Variants in CSGALNACT1 observed in about 807,000 individuals in gnomAD.
CSGALNACT1 encodes beta4GalNAcT-1.
Under a neutral mutation model 51.0 loss-of-function variants are expected in CSGALNACT1, and 52 were observed. The ratio of observed to expected loss-of-function variants is 1.02; its 90% CI spans 0.82 to 1.29. The LOEUF (loss-of-function observed/expected upper bound fraction) is 1.29. Among genes scored for constraint, CSGALNACT1 ranks in the 50% most tolerant of loss-of-function variants. The probability of loss-of-function intolerance (pLI) is 0.00; values close to 1 mark genes in which losing one functional copy is unlikely to be tolerated. For missense variants in CSGALNACT1, 935 were observed against 679.2 expected (o/e 1.38, Z -4.19); for synonymous variants, 341 against 254.4 (o/e 1.34, Z -3.24).
At position 19,666,941 on chromosome 8, in the gene CSGALNACT1, GAAAA is replaced by G. The variant is rs1174113108; in HGVS notation, c.-544+15528_-544+15531del. On this transcript the variant is annotated intron_variant, in intron 1 of 9. Coordinates refer to the CSGALNACT1 transcript ENST00000332246. ...AGGAAGGGAGAGACAGAGAGAGAGAGAAAAAGAAAGAAAGAAAGAAAGAAAGAAA... is the reference window on the plus strand; with the variant it reads ...AGGAAGGGAGAGACAGAGAGAGAGAGAGAAAGAAAGAAAGAAAGAAAGAAA... Among the ~76,000 whole-genome samples, 113 of 114,572 alleles carry G rather than the reference GAAAA, an allele frequency of 9.9e-4. 1 individual carries two copies. Among genetic ancestry groups the G allele is most frequent in the Non-Finnish European group, 1.3e-3 (72 of 55,372 alleles). The allele number at this position is 114,572 out of a possible 152,430, so 75.2% of individuals were successfully genotyped here.
chr8:19,635,989 C>T (rs912577882), intron 1 of CSGALNACT1, among the ~76,000 whole-genome samples: 2 of 152,192 alleles, frequency 1.3e-5, no homozygotes, highest in Non-Finnish European at 2.9e-5. Context: ...CTTGATCTTC[C>T]AATGTGCTGA....
intron 8 of CSGALNACT1, among the ~76,000 whole-genome samples, chr8:19,409,598 A>G (rs2055210727): frequency 6.6e-6 from 1 of 152,020 alleles, no homozygotes; most frequent in Admixed American, 6.6e-5. Context: ...GATCTTAGTT[A>G]TTTTTCATAA....
intron 8 of CSGALNACT1, among the ~76,000 whole-genome samples, chr8:19,412,909 C>T (rs543422928): frequency 4.7e-4 from 71 of 152,220 alleles, no homozygotes; most frequent in African/African-American, 1.6e-3. Flanking sequence ...AGGAGGGCTG[C>T]ATGCCCTCTT....
intron 3 of CSGALNACT1, among the ~76,000 whole-genome samples, chr8:19,543,615 A>C (rs2085763849): frequency 6.6e-6 from 1 of 152,200 alleles, no homozygotes; most frequent in African/African-American, 2.4e-5. Context: ...CCACAGGCAG[A>C]AACTGCATAC....
At chr8:19,612,252 A>G (rs1419399930) in intron 1 of CSGALNACT1, among the ~76,000 whole-genome samples, 1 of 152,028 alleles carries the variant, frequency 6.6e-6, no homozygotes, top group Non-Finnish European at 1.5e-5. Flanking sequence ...CTGAGGCGAG[A>G]GAATTGCTTG....
At chr8:19,576,083 C>T (rs1239152980) in intron 3 of CSGALNACT1, among the ~76,000 whole-genome samples, 1 of 152,054 alleles carries the variant, frequency 6.6e-6, no homozygotes, top group Admixed American at 6.5e-5. Flanking sequence ...CTAGCCACAC[C>T]CCATCCCTGT....
At chr8:19,473,290 T>C (rs891676409) in intron 4 of CSGALNACT1, among the ~76,000 whole-genome samples, 10 of 152,252 alleles carry the variant, frequency 6.6e-5, no homozygotes, top group Non-Finnish European at 1.2e-4. Flanking sequence ...TTCTAATGCA[T>C]AATATCAACT....
intron 1 of CSGALNACT1, among the ~76,000 whole-genome samples, chr8:19,610,151 G>A (rs1431449220): frequency 6.6e-6 from 1 of 151,578 alleles, no homozygotes; most frequent in Non-Finnish European, 1.5e-5. Flanking sequence ...TTAGCCAGGC[G>A]TGGTTGCGGG....
At chr8:19,700,524 C>T (rs879820865) in intron 1 of CSGALNACT1, among the ~76,000 whole-genome samples, 8 of 152,154 alleles carry the variant, frequency 5.3e-5, no homozygotes, top group Admixed American at 2.0e-4. Context: ...CCGTATGACA[C>T]AGCCTTCCTC....
rs139622906 is a variant in CSGALNACT1 at position 19,511,954 on chromosome 8, G to T, written c.-296-5824C>A. On this transcript the variant is annotated intron_variant, in intron 3 of 9. Coordinates refer to ENST00000454498, the Ensembl canonical transcript of CSGALNACT1. Reference sequence around the variant, plus strand: ...CTTGCGAAAACTCACTCACTATGATGAGAACAGCAAGTGGGAAATCTGCCC... The same window carrying T: ...CTTGCGAAAACTCACTCACTATGATTAGAACAGCAAGTGGGAAATCTGCCC... 3.4e-3 allele frequency among the ~76,000 whole-genome samples: 524 copies of T among 152,256 alleles called. 3 individuals carry two copies. Among genetic ancestry groups the T allele is most frequent in the African/African-American group, 0.012 (502 of 41,548 alleles).
At chr8:19,631,918 C>G (rs913807839) in intron 1 of CSGALNACT1, among the ~76,000 whole-genome samples, 5 of 152,056 alleles carry the variant, frequency 3.3e-5, no homozygotes, top group African/African-American at 7.3e-5. Flanking sequence ...ATAGCTTATC[C>G]AGATGTTCTC....
intron 1 of CSGALNACT1, among the ~76,000 whole-genome samples, chr8:19,663,124 T>C (rs1459173673): frequency 1.3e-5 from 2 of 152,284 alleles, no homozygotes; most frequent in South Asian, 2.1e-4. Context: ...GATCCCTTTG[T>C]GGCATTCAAG....
At chr8:19,675,683 A>T (rs2060124436) in intron 1 of CSGALNACT1, among the ~76,000 whole-genome samples, 2 of 152,040 alleles carry the variant, frequency 1.3e-5, no homozygotes, top group African/African-American at 4.8e-5. Flanking sequence ...TAGTAGAGAC[A>T]GGGTTTCACT....
intron 1 of CSGALNACT1, among the ~76,000 whole-genome samples, chr8:19,752,477 T>C (rs2065104090): frequency 6.6e-6 from 1 of 152,162 alleles, no homozygotes; most frequent in Non-Finnish European, 1.5e-5. Flanking sequence ...GTTTCTAATA[T>C]TTGAGAAACA....
At chr8:19,420,776 C>A (rs533586815) in intron 6 of CSGALNACT1, among the ~76,000 whole-genome samples, 1 of 152,326 alleles carries the variant, frequency 6.6e-6, no homozygotes, top group Non-Finnish European at 1.5e-5. Context: ...ATTGAAAACA[C>A]TCTTGTCATC....
chr8:19,682,173 G>T (rs763924529), intron 1 of CSGALNACT1, among the ~76,000 whole-genome samples: 3 of 152,110 alleles, frequency 2.0e-5, no homozygotes, highest in Non-Finnish European at 4.4e-5. Context: ...TTTTTAGAGA[G>T]CTTGACTTAG....
intron 2 of CSGALNACT1, among the ~76,000 whole-genome samples, chr8:19,600,900 G>T (rs1255567047): frequency 4.0e-5 from 6 of 151,116 alleles, no homozygotes; most frequent in Admixed American, 2.6e-4. Context: ...GAAGGTGAAG[G>T]GGGCTTTCTG....
At chr8:19,512,628 T>C (rs946227063) in intron 3 of CSGALNACT1, among the ~76,000 whole-genome samples, 1 of 152,176 alleles carries the variant, frequency 6.6e-6, no homozygotes, top group Non-Finnish European at 1.5e-5. Context: ...TACATTACTA[T>C]AATCAGTTCT....
At chr8:19,679,407 T>G (rs1022047116) in intron 1 of CSGALNACT1, among the ~76,000 whole-genome samples, 3 of 151,966 alleles carry the variant, frequency 2.0e-5, no homozygotes, top group African/African-American at 7.3e-5. Context: ...CAATGAGCCA[T>G]GATCATGCCA....
Sources: gnomAD v4.1 joint callset for allele counts (sites outside exome capture counted in the v4.1 genomes callset) on GRCh38, gnomAD v4.1.1 for gene constraint, MANE v1.5 for transcripts, NCBI Gene and HGNC (gene_info 2026-07-23, HGNC 2026-07-21) for gene names.